EML5: variants seen among roughly 807,000 people sequenced by gnomAD.
EML5 encodes EMAP like 5.
A neutral mutation model predicts 250.0 loss-of-function variants in EML5; 120 were observed. That is an observed-to-expected ratio of 0.48 (90% CI 0.41 to 0.56). The LOEUF is 0.56. Among genes scored for constraint, EML5 ranks in the 20% least tolerant of loss-of-function variants. EML5 has a pLI of 0.00. For missense variants in EML5, 2,006 were observed against 2,437.6 expected, an observed-to-expected ratio of 0.82 and a Z score of 3.73; for synonymous variants, 771 against 806.5, an observed-to-expected ratio of 0.96 and a Z score of 0.75.
chr14:88,651,486 A>G (rs1339863489), intron 27 of EML5, among the ~76,000 whole-genome samples: 1 of 152,116 alleles, frequency 6.6e-6, no homozygotes, highest in Non-Finnish European at 1.5e-5. Context: ...CCGTGAATGA[A>G]GCAGACTACA....
At chr14:88,745,299 C>T (rs1298244363) in intron 3 of EML5, among the ~76,000 whole-genome samples, 1 of 151,734 alleles carries the variant, frequency 6.6e-6, no homozygotes, top group African/African-American at 2.4e-5. Flanking sequence ...AAATTCCCAC[C>T]AAATACAGTC....
Position 88,715,168 on chromosome 14 carries a change from T to C in EML5, c.1215A>G (p.Lys405=), listed in dbSNP as rs961678633. The change falls in exon 9 of 44, where the codon AAA becomes AAG. Residue 405 remains lysine, a synonymous_variant. Transcript: ENST00000554922. ...VRDMTEVVHI[K]DRKEAIHELK... ...ACTCATGAATTGCCTCCTTCCTATC[T>C]TTAATATGTACAACTTCCGTCATAT... 7.5e-6 allele frequency: 12 copies of C among 1,602,316 alleles called. No homozygotes were observed. Among genetic ancestry groups the C allele is most frequent in the Non-Finnish European group, 1.0e-5 (12 of 1,173,838 alleles).
At chr14:88,631,620 G>A (rs2090442082) in intron 33 of EML5, among the ~76,000 whole-genome samples, 1 of 152,098 alleles carries the variant, frequency 6.6e-6, no homozygotes, top group Non-Finnish European at 1.5e-5. Context: ...AATACAAAAA[G>A]TTAGCTGGGC....
intron 8 of EML5, among the ~76,000 whole-genome samples, chr14:88,717,037 T>C (rs1566689293): frequency 6.6e-6 from 1 of 152,184 alleles, no homozygotes; most frequent in Non-Finnish European, 1.5e-5. Context: ...GAACAGTTCA[T>C]AATACATCAC....
intron 25 of EML5, among the ~76,000 whole-genome samples, chr14:88,660,687 G>A (rs1158280049): frequency 6.6e-6 from 1 of 151,506 alleles, no homozygotes; most frequent in Admixed American, 6.6e-5. Context: ...AGGTTGCAGT[G>A]AGCCTAGATC....
At chr14:88,665,257 T>C in intron 22 of EML5, 80 bp downstream of exon 22, 13 of 1,415,168 alleles carry the variant, frequency 9.2e-6, no homozygotes, top group Non-Finnish European at 1.2e-5. Flanking sequence ...AACATAACAG[T>C]TAATAAAAAT....
chr14:88,649,256 G>C lies in EML5; in HGVS notation c.4019+656C>G, dbSNP rs527305957. On this transcript the variant is annotated intron_variant, in intron 28 of 43. Coordinates refer to ENST00000554922, the MANE Select transcript of EML5 (RefSeq NM_183387.3). ...TCATCATGTTGTCTAGGCTGGTCTT[G>C]AACTCCCAGGCTCTAGCAATCCTCT... 3.2e-4 allele frequency among the ~76,000 whole-genome samples: 49 copies of C among 152,134 alleles called. No homozygotes were observed. The East Asian group carries it at 8.9e-3, about 28-fold the overall frequency.
chr14:88,642,273 C>T (rs898834253), intron 31 of EML5, among the ~76,000 whole-genome samples: 4 of 152,184 alleles, frequency 2.6e-5, no homozygotes, highest in African/African-American at 9.6e-5. Flanking sequence ...CTTAATGTTA[C>T]TAGTAGCATT....
intron 1 of EML5, among the ~76,000 whole-genome samples, chr14:88,755,113 G>C (rs1309211009): frequency 6.6e-6 from 1 of 152,122 alleles, no homozygotes; most frequent in Non-Finnish European, 1.5e-5. Context: ...AGGTAATTTG[G>C]ATTTAAAATA....
chr14:88,681,767 T>C (rs919054180), intron 21 of EML5, 123 bp downstream of exon 21: 5 of 1,135,866 alleles, frequency 4.4e-6, no homozygotes, highest in Non-Finnish European at 5.9e-6. Flanking sequence ...CAAGTAGACA[T>C]TGAATAAATA....
chr14:88,632,034 G>A (rs1188305465), intron 33 of EML5, among the ~76,000 whole-genome samples: 2 of 152,106 alleles, frequency 1.3e-5, no homozygotes, highest in African/African-American at 4.8e-5. Flanking sequence ...ATTTGTACAA[G>A]AAAGAATGTC....
intron 17 of EML5, among the ~76,000 whole-genome samples, chr14:88,692,785 G>A (rs1255600592): frequency 6.6e-6 from 1 of 152,172 alleles, no homozygotes; most frequent in Non-Finnish European, 1.5e-5. Context: ...CGCATATGCT[G>A]TTATCTGATG....
Position 88,661,665 on chromosome 14 carries a change from A to G in EML5, c.3664T>C (p.Tyr1222His). 6.2e-7 allele frequency: 1 copy of G among 1,612,338 alleles called. No individual in the cohort carries two copies. Among genetic ancestry groups the G allele is most frequent in the Non-Finnish European group, 8.5e-7 (1 of 1,179,320 alleles). ...DDLGFVKLFR[Y>H]PTKGKFGKFK... is the part of the protein sequence containing the mutation. The stretch of plus-strand genomic sequence containing the variant: ...AGAAAAACACATACTTTAGTAGGAT[A>G]TCTAAATAACTTCACAAATCCCAAA... The change falls in exon 25 of 44, where the codon TAT becomes CAT. Residue 1222 changes from tyrosine to histidine, a missense_variant. Physicochemically the swap from Tyr to His is moderately conservative, Grantham distance 83. Transcript: ENST00000554922.
intron 14 of EML5, among the ~76,000 whole-genome samples, chr14:88,699,213 G>C (rs2093151605): frequency 6.6e-6 from 1 of 152,022 alleles, no homozygotes; most frequent in South Asian, 2.1e-4. Context: ...GAGGGGAAGA[G>C]TTTTCCAAGA....
intron 3 of EML5, 36 bp from the exon 4 acceptor site, chr14:88,744,127 T>A (rs1412493381): frequency 7.0e-7 from 1 of 1,435,692 alleles, no homozygotes; most frequent in Admixed American, 2.2e-5. Flanking sequence ...AAAATACTTA[T>A]TTCCAGAATC....
chr14:88,755,353 C>T (rs929443170), intron 1 of EML5, among the ~76,000 whole-genome samples: 1 of 152,076 alleles, frequency 6.6e-6, no homozygotes, highest in African/African-American at 2.4e-5. Flanking sequence ...TTTACTATTC[C>T]TTTCACTGGA....
intron 2 of EML5, among the ~76,000 whole-genome samples, chr14:88,747,130 G>C (rs543469350): frequency 1.1e-4 from 17 of 151,734 alleles, no homozygotes; most frequent in African/African-American, 2.7e-4. Flanking sequence ...AAAAAAAAAA[G>C]GGTCAGGTGC....
At chr14:88,651,684 T>G (rs1455950172) in intron 27 of EML5, among the ~76,000 whole-genome samples, 1 of 151,960 alleles carries the variant, frequency 6.6e-6, no homozygotes. Context: ...ACACTACACT[T>G]CAAATATTCT....
intron 1 of EML5, among the ~76,000 whole-genome samples, chr14:88,777,085 G>A (rs555923166): frequency 6.6e-6 from 1 of 152,206 alleles, no homozygotes; most frequent in African/African-American, 2.4e-5. Context: ...CCAAGTACAA[G>A]AAGGATATAG....
Sources: allele counts gnomAD v4.1 joint callset (sites outside exome capture counted in the v4.1 genomes callset), GRCh38; gene constraint gnomAD v4.1.1; transcripts MANE v1.5; gene names NCBI Gene and HGNC (gene_info 2026-07-23, HGNC 2026-07-21).